The following CDKAL1 variants were observed in gnomAD, a reference collection of about 807,000 sequenced individuals.
CDKAL1 encodes CDKAL1 threonylcarbamoyladenosine tRNA methylthiotransferase, also known as threonylcarbamoyladenosine tRNA methylthiotransferase.
A neutral mutation model predicts 68.2 loss-of-function variants in CDKAL1; 32 were observed. The observed-to-expected ratio is 0.47, with a 90% CI of 0.35 to 0.63. The LOEUF is 0.63. Among genes scored for constraint, CDKAL1 ranks in the 30% least tolerant of loss-of-function variants. The pLI is 0.00. For missense variants in CDKAL1, 606 were observed against 696.7 expected, an observed-to-expected ratio of 0.87 and a Z score of 1.47; for synonymous variants, 234 against 244.3, an observed-to-expected ratio of 0.96 and a Z score of 0.39.
intron 2 of CDKAL1, among the ~76,000 whole-genome samples, chr6:20,541,514 C>T (rs528624199): frequency 4.6e-5 from 7 of 152,296 alleles, no homozygotes; most frequent in South Asian, 2.1e-4. Flanking sequence ...TTAACACTAG[C>T]GTAGAATCCT....
chr6:21,154,510 C>G (rs963391697), intron 13 of CDKAL1, among the ~76,000 whole-genome samples: 1 of 152,174 alleles, frequency 6.6e-6, no homozygotes, highest in Non-Finnish European at 1.5e-5. Flanking sequence ...AATCCTTATA[C>G]TTTTGCTCCT....
intron 14 of CDKAL1, 113 bp from the exon 15 acceptor site, chr6:21,200,997 A>G (rs1778665595): frequency 2.3e-6 from 2 of 855,490 alleles, no homozygotes; most frequent in African/African-American, 3.4e-5. Context: ...ACTGGGAGTT[A>G]GGTATACAGG....
chr6:20,776,426 A>C (rs1187871270), intron 7 of CDKAL1, among the ~76,000 whole-genome samples: 1 of 152,222 alleles, frequency 6.6e-6, no homozygotes, highest in Non-Finnish European at 1.5e-5. Context: ...ATAAAGTACT[A>C]AATGTTTCTT....
At chr6:20,797,065 G>A (rs1776137714) in intron 8 of CDKAL1, among the ~76,000 whole-genome samples, 1 of 152,124 alleles carries the variant, frequency 6.6e-6, no homozygotes, top group South Asian at 2.1e-4. Context: ...CTCTGTGAAT[G>A]AAACTATTAA....
intron 9 of CDKAL1, among the ~76,000 whole-genome samples, chr6:20,913,568 T>A (rs1272036536): frequency 6.6e-6 from 1 of 152,172 alleles, no homozygotes; most frequent in African/African-American, 2.4e-5. Flanking sequence ...AGCAGACAGG[T>A]TTCTGGCCTT....
At chr6:21,016,137 TG>T (rs1242907691) in intron 11 of CDKAL1, among the ~76,000 whole-genome samples, 2 of 142,020 alleles carry the variant, frequency 1.4e-5, no homozygotes, top group Non-Finnish European at 3.0e-5. Flanking sequence ...GTCATATATA[TG>T]TGTATATATA....
chr6:20,740,398 T>C (rs1297123738), intron 6 of CDKAL1, among the ~76,000 whole-genome samples: 1 of 152,290 alleles, frequency 6.6e-6, no homozygotes, highest in Non-Finnish European at 1.5e-5. Context: ...TTGTTCTTTG[T>C]AGTCAATTAC....
At chr6:20,624,570 C>T (rs527764399) in intron 4 of CDKAL1, among the ~76,000 whole-genome samples, 1 of 152,064 alleles carries the variant, frequency 6.6e-6, no homozygotes, top group African/African-American at 2.4e-5. Flanking sequence ...CAACTTGCTA[C>T]CACCATGAGC....
chr6:20,632,872 C>A (rs1412832218), intron 4 of CDKAL1, among the ~76,000 whole-genome samples: 2 of 152,122 alleles, frequency 1.3e-5, no homozygotes, highest in Admixed American at 1.3e-4. Context: ...GCCTTCCTTT[C>A]TGAAGAGAGT....
intron 6 of CDKAL1, among the ~76,000 whole-genome samples, chr6:20,742,054 ACAAT>A (rs1439133755): frequency 2.0e-5 from 3 of 152,118 alleles, no homozygotes; most frequent in African/African-American, 7.2e-5. Context: ...CATTTCTCTA[ACAAT>A]CAGTGACACT....
chr6:20,958,124 C>A (rs1376759680), intron 10 of CDKAL1, among the ~76,000 whole-genome samples: 1 of 152,148 alleles, frequency 6.6e-6, no homozygotes, highest in Non-Finnish European at 1.5e-5. Flanking sequence ...TTGTTCCCCA[C>A]AGAAAGCCAC....
intron 13 of CDKAL1, among the ~76,000 whole-genome samples, chr6:21,168,302 C>T (rs1375718945): frequency 6.6e-6 from 1 of 152,202 alleles, no homozygotes; most frequent in Non-Finnish European, 1.5e-5. Context: ...CCATCTGTTT[C>T]ATCAGTGCTG....
At chr6:21,034,748 GC>G (rs540883083) in intron 11 of CDKAL1, among the ~76,000 whole-genome samples, 69 of 152,078 alleles carry the variant, frequency 4.5e-4, no homozygotes, top group Non-Finnish European at 8.4e-4. Context: ...GTTCATCCAA[GC>G]AAAAAATGGA....
chr6:20,679,176 C>A (rs34168173), intron 5 of CDKAL1, among the ~76,000 whole-genome samples: 1 of 152,236 alleles, frequency 6.6e-6, no homozygotes, highest in Non-Finnish European at 1.5e-5. Flanking sequence ...CCTGGCCTCC[C>A]AAAGTGTTGG....
At chr6:20,801,677 T>C (rs572993979) in intron 8 of CDKAL1, among the ~76,000 whole-genome samples, 11 of 152,200 alleles carry the variant, frequency 7.2e-5, no homozygotes, top group Admixed American at 3.3e-4. Context: ...TGCGTATGCC[T>C]GTGTAACTCC....
chr6:20,671,096 T>G (rs921436766), intron 5 of CDKAL1, among the ~76,000 whole-genome samples: 1 of 152,212 alleles, frequency 6.6e-6, no homozygotes, highest in Non-Finnish European at 1.5e-5. Flanking sequence ...TACTGCCTAG[T>G]TACCCTCCAA....
At chr6:20,784,913 T>A (rs1483339449) in intron 8 of CDKAL1, among the ~76,000 whole-genome samples, 1 of 152,274 alleles carries the variant, frequency 6.6e-6, no homozygotes, top group Non-Finnish European at 1.5e-5. Flanking sequence ...AATTTTAAAT[T>A]TTAAAAATTT....
At chr6:20,824,555 A>T (rs1396421463) in intron 8 of CDKAL1, among the ~76,000 whole-genome samples, 1 of 152,118 alleles carries the variant, frequency 6.6e-6, no homozygotes, top group African/African-American at 2.4e-5. Flanking sequence ...ATCAGAGGCC[A>T]CCCTTAGTTT....
intron 8 of CDKAL1, among the ~76,000 whole-genome samples, chr6:20,822,102 T>C (rs1377080764): frequency 6.6e-6 from 1 of 152,130 alleles, no homozygotes; most frequent in Non-Finnish European, 1.5e-5. Flanking sequence ...GACCTATGGG[T>C]CCTCAAAACC....
Sources: allele counts gnomAD v4.1 joint callset (sites outside exome capture counted in the v4.1 genomes callset), GRCh38; gene constraint gnomAD v4.1.1; transcripts MANE v1.5; gene names NCBI Gene and HGNC (gene_info 2026-07-23, HGNC 2026-07-21).